Variants in ESR2 observed in about 807,000 individuals in gnomAD.
The protein encoded by ESR2 is estrogen receptor 2.
ESR2 carries 36 observed loss-of-function variants against 49.6 expected under a neutral mutation model. That is an observed-to-expected ratio of 0.73 (90% CI 0.56 to 0.96). The LOEUF is 0.96. Ranked by LOEUF, ESR2 falls within the 40% of genes least tolerant of loss-of-function variation. The pLI is 0.00. For synonymous variants in ESR2, 320 were observed against 266.1 expected (o/e 1.20, Z -1.97); for missense variants, 714 against 693.0 (o/e 1.03, Z -0.34).
chr14:64,324,360 G>A (rs1483214343), intron 1 of ESR2, among the ~76,000 whole-genome samples: 2 of 152,050 alleles, frequency 1.3e-5, no homozygotes, highest in Non-Finnish European at 2.9e-5. Flanking sequence ...TAACTCTAAG[G>A]ATTTTTCCCC....
chr14:64,299,583 C>T (rs966842636), intron 1 of ESR2, among the ~76,000 whole-genome samples: 2 of 152,034 alleles, frequency 1.3e-5, no homozygotes, highest in Admixed American at 6.5e-5. Flanking sequence ...AGGATGGTCT[C>T]GATCTCCTGG....
intron 1 of ESR2, among the ~76,000 whole-genome samples, chr14:64,306,805 G>A (rs1229607298): frequency 3.3e-5 from 5 of 152,146 alleles, no homozygotes; most frequent in Admixed American, 6.5e-5. Flanking sequence ...GAATTGGGAA[G>A]TATTCCATTG....
At chr14:64,302,653 TTA>T (rs1335414547) in intron 1 of ESR2, among the ~76,000 whole-genome samples, 1 of 152,182 alleles carries the variant, frequency 6.6e-6, no homozygotes, top group Non-Finnish European at 1.5e-5. Context: ...TTCAAAGAAC[TTA>T]TGTGTCCTCT....
intron 7 of ESR2, among the ~76,000 whole-genome samples, chr14:64,245,757 T>TA (rs1158915124): frequency 6.6e-6 from 1 of 152,192 alleles, no homozygotes; most frequent in Non-Finnish European, 1.5e-5. Context: ...AAAATGCCTA[T>TA]AAGGAGCCTT....
In ESR2 at chr14:64,260,181, G is replaced by A. The variant is rs760469102; in HGVS notation, c.952+268C>T. The A allele has an allele frequency of 1.0e-5, 7 of 702,090 alleles. No individual in the cohort carries two copies. In the Admixed American group the frequency reaches 1.1e-4, roughly 11 times the overall value. 43.5% of individuals were successfully genotyped at this position (702,090 alleles called of 1,614,324 possible). A position where few individuals can be genotyped will look rare whatever the true frequency, so the allele number is the denominator to read the frequency against. ...GGCAGTCAAGAATAGAAATGGCTGG[G>A]CCACGCACAACTCTTTCTGCACTAC... On this transcript the variant is annotated intron_variant, in intron 5 of 8. Transcript: ENST00000341099.
intron 7 of ESR2, among the ~76,000 whole-genome samples, chr14:64,244,625 G>C (rs2075810713): frequency 6.6e-6 from 1 of 152,158 alleles, no homozygotes; most frequent in Non-Finnish European, 1.5e-5. Flanking sequence ...TGGCCTCCCA[G>C]TTTCTCAGGC....
downstream of ESR2, chr14:64,227,070 T>TAAAC (rs1014407023): frequency 6.3e-6 from 1 of 157,586 alleles, no homozygotes; most frequent in African/African-American, 2.4e-5. Flanking sequence ...ACTTTCTACC[T>TAAAC]AAACAAAGAG....
intron 6 of ESR2, 122 bp from the exon 7 acceptor site, chr14:64,249,801 A>G: frequency 2.1e-6 from 2 of 970,336 alleles, no homozygotes; most frequent in Non-Finnish European, 3.1e-6. Context: ...TGATAATATC[A>G]TTTTAACTAC....
chr14:64,227,828 T>C, downstream of ESR2: 1 of 1,582,080 alleles, frequency 6.3e-7, no homozygotes. Context: ...GTCTGGGTTT[T>C]ATATCGTCTG....
intron 4 of ESR2, among the ~76,000 whole-genome samples, chr14:64,263,855 G>A (rs2076270959): frequency 6.6e-6 from 1 of 152,048 alleles, no homozygotes; most frequent in Admixed American, 6.6e-5. Flanking sequence ...ATCTACAAAG[G>A]CCATAGATAT....
intron 7 of ESR2, among the ~76,000 whole-genome samples, chr14:64,239,415 C>T (rs2140636890): frequency 6.6e-6 from 1 of 152,302 alleles, no homozygotes; most frequent in South Asian, 2.1e-4. Flanking sequence ...ATAGGATTTC[C>T]TGGCTTAACC....
intron 1 of ESR2, 108 bp downstream of exon 1, chr14:64,293,925 G>A (rs900651405): frequency 6.6e-6 from 1 of 152,242 alleles, no homozygotes; most frequent in Non-Finnish European, 1.5e-5. Context: ...GTTGGTTTTG[G>A]TGATCGTTTT....
chr14:64,307,369 G>A (rs925959250), intron 1 of ESR2, among the ~76,000 whole-genome samples: 3 of 151,062 alleles, frequency 2.0e-5, no homozygotes, highest in Non-Finnish European at 2.9e-5. Context: ...GTGCCACCAT[G>A]CCCAGCTAAT....
At chr14:64,324,458 T>C (rs1250175617) in intron 1 of ESR2, among the ~76,000 whole-genome samples, 1 of 152,218 alleles carries the variant, frequency 6.6e-6, no homozygotes, top group African/African-American at 2.4e-5. Flanking sequence ...ATTAGAATAA[T>C]AAATAGTTAA....
At chr14:64,271,546 G>A (rs28485225) in intron 3 of ESR2, among the ~76,000 whole-genome samples, 14,596 of 152,098 alleles carry the variant, frequency 0.096, 1,581 homozygotes, top group African/African-American at 0.26. Context: ...AGCTGGTCTC[G>A]AACTCCTGAG....
At chr14:64,244,652 A>C (rs2075811137) in intron 7 of ESR2, among the ~76,000 whole-genome samples, 1 of 152,158 alleles carries the variant, frequency 6.6e-6, no homozygotes, top group Non-Finnish European at 1.5e-5. Context: ...TCTCAAACTG[A>C]GGGTTACACC....
At chr14:64,330,429 CA>C (rs35524660) in intron 1 of ESR2, 135 of 139,968 alleles carry the variant, frequency 9.6e-4, no homozygotes, top group Non-Finnish European at 1.2e-3. Flanking sequence ...AACTCCATCT[CA>C]AAAAAAAAAA....
chr14:64,244,142 T>A (rs2075799528), intron 7 of ESR2, among the ~76,000 whole-genome samples: 1 of 152,196 alleles, frequency 6.6e-6, no homozygotes. Flanking sequence ...CTCACACCTG[T>A]AATCCCTGCA....
chr14:64,241,803 A>G (rs1227751088), intron 7 of ESR2, among the ~76,000 whole-genome samples: 1 of 151,958 alleles, frequency 6.6e-6, no homozygotes, highest in Non-Finnish European at 1.5e-5. Flanking sequence ...CATTTTTTAG[A>G]CTCCTTAGGA....
Sources: allele counts gnomAD v4.1 joint callset (sites outside exome capture counted in the v4.1 genomes callset), GRCh38; gene constraint gnomAD v4.1.1; transcripts MANE v1.5; gene names NCBI Gene and HGNC (gene_info 2026-07-23, HGNC 2026-07-21).